CHST10: variants seen among roughly 807,000 people sequenced by gnomAD.
CHST10 encodes carbohydrate sulfotransferase 10, also known as HNK-1 sulfotransferase.
A neutral mutation model predicts 34.7 loss-of-function variants in CHST10; 24 were observed. The observed-to-expected ratio is 0.69, with a 90% confidence interval of 0.50 to 0.97. The LOEUF is 0.97. CHST10 is among the 50% of genes least tolerant of loss of function. The pLI, the probability that CHST10 is intolerant of heterozygous loss-of-function variation, is 0.00. For synonymous variants in CHST10, 161 were observed against 169.3 expected (o/e 0.95, Z 0.38); for missense variants, 402 against 452.1 (o/e 0.89, Z 1.00).
intron 2 of CHST10, among the ~76,000 whole-genome samples, chr2:100,412,199 G>A (rs745544082): frequency 8.5e-5 from 13 of 152,186 alleles, no homozygotes; most frequent in Non-Finnish European, 1.9e-4. Context: ...CATGGAGGAG[G>A]GAGAATTCTA....
intron 5 of CHST10, among the ~76,000 whole-genome samples, chr2:100,397,217 T>C (rs1044315592): frequency 1.3e-5 from 2 of 152,210 alleles, no homozygotes; most frequent in African/African-American, 4.8e-5. Context: ...TTAGGATCGG[T>C]TCAGACTAAT....
intron 5 of CHST10, among the ~76,000 whole-genome samples, chr2:100,397,629 G>A (rs960260244): frequency 3.9e-5 from 6 of 152,212 alleles, no homozygotes; most frequent in Non-Finnish European, 8.8e-5. Flanking sequence ...GGGGGCCTGG[G>A]GGTGGGCGAG....
chr2:100,414,600 C>A (rs1675986638), intron 2 of CHST10, among the ~76,000 whole-genome samples: 1 of 152,166 alleles, frequency 6.6e-6, no homozygotes, highest in African/African-American at 2.4e-5. Flanking sequence ...TATTGCATGT[C>A]ACTGAGACTT....
chr2:100,404,289 C>T (rs999830902), intron 3 of CHST10, among the ~76,000 whole-genome samples: 1 of 152,258 alleles, frequency 6.6e-6, no homozygotes, highest in Non-Finnish European at 1.5e-5. Context: ...GCAGCCCCTG[C>T]CTCGGGGTCA....
chr2:100,394,846 C>A (rs1214881008), intron 6 of CHST10, among the ~76,000 whole-genome samples: 2 of 151,878 alleles, frequency 1.3e-5, no homozygotes, highest in Non-Finnish European at 2.9e-5. Context: ...GCTTCAGCCT[C>A]CTGAGTAGCT....
Position 100,402,597 on chromosome 2 carries a change from C to T in CHST10, c.159G>A (p.Leu53=). 1 of 1,613,964 alleles carries T rather than the reference C, an allele frequency of 6.2e-7. No individual in the cohort carries two copies. The highest frequency in any genetic ancestry group is 8.5e-7 in the Non-Finnish European group (1 of 1,179,888). Residue 53 remains leucine, a synonymous_variant, in exon 4 of 7, where the codon TTG becomes TTA. Coordinates refer to ENST00000264249, the MANE Select transcript of CHST10 (RefSeq NM_004854.5). ...CCTCAGGAATGTGCTTCTCTTCTGG[C>T]AACTTCCTCACTTCCGGCATGGTTG... ...FLTTMPEVRK[L]PEEKHIPEEL... is the part of the protein sequence containing the mutation.
chr2:100,402,546 C>T lies in CHST10; in HGVS notation c.192+18G>A, dbSNP rs371670404. The T allele has an allele frequency of 1.8e-4, 293 of 1,609,512 alleles. 1 individual carries two copies. In the Middle Eastern group the frequency reaches 3.1e-3, roughly 17 times the overall value. ...GCCGTGTTCAAGAGGACAAGGACCACGGCCTGGCTGTGCCCACCTTCAGTT... is the reference window on the plus strand; with the variant it reads ...GCCGTGTTCAAGAGGACAAGGACCATGGCCTGGCTGTGCCCACCTTCAGTT... On this transcript the variant is annotated intron_variant, in intron 4 of 6. Transcript: ENST00000264249.
At chr2:100,399,957 C>T (rs563623598) in intron 4 of CHST10, among the ~76,000 whole-genome samples, 2 of 152,324 alleles carry the variant, frequency 1.3e-5, no homozygotes, top group Non-Finnish European at 2.9e-5. Context: ...ACGCCAGGCA[C>T]TCTCCTTGCT....
At chr2:100,401,159 C>T (rs914970804) in intron 4 of CHST10, among the ~76,000 whole-genome samples, 1 of 152,194 alleles carries the variant, frequency 6.6e-6, no homozygotes, top group African/African-American at 2.4e-5. Context: ...ATGACTGGGG[C>T]AGCGGGTAAG....
chr2:100,411,710 T>C (rs1675851119), intron 2 of CHST10, among the ~76,000 whole-genome samples: 1 of 152,184 alleles, frequency 6.6e-6, no homozygotes, highest in African/African-American at 2.4e-5. Flanking sequence ...AGTCCCTAAC[T>C]AAACACACAC....
chr2:100,399,368 G>A (rs533291184), intron 4 of CHST10, among the ~76,000 whole-genome samples: 162 of 152,304 alleles, frequency 1.1e-3, no homozygotes, highest in African/African-American at 3.7e-3. Flanking sequence ...GCCTCCCAAA[G>A]TGCTGGGATT....
chr2:100,409,612 CAGG>C (rs1229504238), intron 2 of CHST10, among the ~76,000 whole-genome samples: 2 of 151,980 alleles, frequency 1.3e-5, no homozygotes, highest in African/African-American at 4.8e-5. Context: ...TTCACCCGGG[CAGG>C]AGGTCAGGGA....
intron 4 of CHST10, among the ~76,000 whole-genome samples, chr2:100,398,913 T>C (rs1447112609): frequency 6.6e-6 from 1 of 152,038 alleles, no homozygotes; most frequent in Non-Finnish European, 1.5e-5. Context: ...CACACAGAAG[T>C]TGCTCAGAGG....
rs1675445523 is a variant in CHST10, at chr2:100,403,847, T to C, written c.101-1192A>G. Among the ~76,000 whole-genome samples the C allele has an allele frequency of 2.0e-5, 3 of 152,174 alleles. No homozygotes were observed. The South Asian group carries it at 6.2e-4, about 32-fold the overall frequency. On this transcript the variant is annotated intron_variant, in intron 3 of 6. Coordinates refer to ENST00000264249, the MANE Select transcript of CHST10 (RefSeq NM_004854.5). Reference sequence around the variant, plus strand: ...ATAAACTCCAACATGTGAGAAGCCCTTTATGGCCACGAGCTTAGAGGGGTT... The same window carrying C: ...ATAAACTCCAACATGTGAGAAGCCCCTTATGGCCACGAGCTTAGAGGGGTT...
Position 100,395,631 on chromosome 2 carries a change from A to G in CHST10, c.428-17T>C, listed in dbSNP as rs763419799. The stretch of plus-strand genomic sequence containing the variant: ...AAAATGCTCCTGGGAAGTAAACGGA[A>G]AGGAAGGCAGGTTGGCTGCTCCAGT... On this transcript the variant is annotated splice_polypyrimidine_tract_variant and intron_variant, in intron 5 of 6. Coordinates refer to ENST00000264249, the MANE Select transcript of CHST10 (RefSeq NM_004854.5). 1 of 1,609,286 alleles carries G rather than the reference A, an allele frequency of 6.2e-7. No individual in the cohort carries two copies.
intron 1 of CHST10, chr2:100,416,313 T>A (rs1000546103): frequency 1.3e-5 from 2 of 152,308 alleles, no homozygotes; most frequent in Admixed American, 1.3e-4. Flanking sequence ...TTCCTTTCTT[T>A]GTTCAGTTTT....
chr2:100,406,243 G>A (rs1036213253), intron 3 of CHST10, among the ~76,000 whole-genome samples: 2 of 152,174 alleles, frequency 1.3e-5, no homozygotes, highest in South Asian at 2.1e-4. Context: ...TCCCAACTGC[G>A]AGCCTGAGAG....
At position 100,392,860 on chromosome 2, in the gene CHST10, A is replaced by AT; in HGVS notation, c.*384_*385insA. On this transcript the variant is annotated 3_prime_UTR_variant, in exon 7 of 7. Transcript: ENST00000264249. ...CAACCCACCAGTGATGGGTGAAGCC[A>AT]CCCTGACTAGCCAGGAGAACCTCAG... The AT allele has an allele frequency of 3.1e-5, 7 of 222,578 alleles. No individual in the cohort carries two copies. The highest frequency in any genetic ancestry group is 1.7e-4 in the South Asian group (2 of 11,544). The allele number at this position is 222,578 out of a possible 1,614,324, so 13.8% of individuals were successfully genotyped here.
intron 2 of CHST10, chr2:100,407,623 T>C (rs1675637321): frequency 6.6e-6 from 1 of 152,134 alleles, no homozygotes; most frequent in Admixed American, 6.5e-5. Context: ...TAACCCTGGG[T>C]GGGTCAGAGC....
Sources: gnomAD v4.1 joint callset for allele counts (sites outside exome capture counted in the v4.1 genomes callset) on GRCh38, gnomAD v4.1.1 for gene constraint, MANE v1.5 for transcripts, NCBI Gene and HGNC (gene_info 2026-07-23, HGNC 2026-07-21) for gene names.